Variants in SDK1 observed in about 807,000 individuals in gnomAD.
SDK1 encodes protein sidekick-1.
SDK1 carries 157 observed loss-of-function variants against 245.5 expected under a neutral mutation model. That is an observed-to-expected ratio of 0.64 (90% CI 0.56 to 0.73). SDK1 has a LOEUF of 0.73. SDK1 is among the 30% of genes least tolerant of loss of function. The probability of loss-of-function intolerance (pLI) is 0.00; values close to 1 mark genes in which losing one functional copy is unlikely to be tolerated. For missense variants in SDK1, 3,583 were observed against 3,002.3 expected (o/e 1.19, Z -4.52); for synonymous variants, 1,647 against 1,278.5 (o/e 1.29, Z -6.15).
chr7:3,925,569 G>A (rs1583573143), intron 5 of SDK1, among the ~76,000 whole-genome samples: 1 of 152,204 alleles, frequency 6.6e-6, no homozygotes, highest in Non-Finnish European at 1.5e-5. Context: ...CAGAGACGGC[G>A]TGTTCTCGCT....
In SDK1 at chr7:3,950,950, C is replaced by T. The variant is rs1780787624; in HGVS notation, c.875C>T (p.Ala292Val). The T allele has an allele frequency of 1.2e-6, 2 of 1,613,938 alleles. No individual in the cohort carries two copies. Among genetic ancestry groups the T allele is most frequent in the East Asian group, 2.2e-5 (1 of 44,864 alleles). The change falls in exon 6 of 45, where the codon GCC (alanine) becomes GTC (valine). Residue 292 changes from alanine (A) to valine (V), a missense_variant. By Grantham distance (64) the Ala-to-Val change is moderately conservative. Coordinates refer to ENST00000404826, the MANE Select transcript of SDK1 (RefSeq NM_152744.4). ...ARDVGTPETM[A>V]PTIVVPPGNR... is the part of the protein sequence containing the mutation. ...GATGTTGGCACACCTGAAACCATGGCCCCAACCATTGTGGTTCCCCCGGGC... is the reference window on the plus strand; with the variant it reads ...GATGTTGGCACACCTGAAACCATGGTCCCAACCATTGTGGTTCCCCCGGGC...
chr7:3,910,945 C>G (rs1779141418), intron 5 of SDK1, among the ~76,000 whole-genome samples: 1 of 152,152 alleles, frequency 6.6e-6, no homozygotes, highest in South Asian at 2.1e-4. Flanking sequence ...CTCCTCTCTC[C>G]CCAAGCTCAG....
intron 1 of SDK1, among the ~76,000 whole-genome samples, chr7:3,442,466 A>T (rs1289692881): frequency 6.6e-6 from 1 of 152,166 alleles, no homozygotes; most frequent in African/African-American, 2.4e-5. Flanking sequence ...TTTATCCTTG[A>T]GAGTGAGCCT....
chr7:3,889,376 T>G (rs1781405328), intron 5 of SDK1, among the ~76,000 whole-genome samples: 1 of 152,216 alleles, frequency 6.6e-6, no homozygotes, highest in Admixed American at 6.5e-5. Context: ...GGACAGTGAA[T>G]GAAGTGCAGG....
intron 35 of SDK1, among the ~76,000 whole-genome samples, chr7:4,186,041 T>C (rs933039629): frequency 6.6e-6 from 1 of 152,134 alleles, no homozygotes; most frequent in South Asian, 2.1e-4. Context: ...CCGGCCCAGC[T>C]CTCCTGTTTG....
intron 36 of SDK1, among the ~76,000 whole-genome samples, chr7:4,207,212 G>T (rs1009328592): frequency 1.9e-4 from 29 of 152,178 alleles, no homozygotes; most frequent in African/African-American, 6.8e-4. Flanking sequence ...GCCCTGGGGC[G>T]CTCCAGGCTG....
At chr7:4,058,548 A>G (rs988599818) in intron 19 of SDK1, among the ~76,000 whole-genome samples, 1 of 152,232 alleles carries the variant, frequency 6.6e-6, no homozygotes, top group Non-Finnish European at 1.5e-5. Context: ...TCCATGGCAC[A>G]TTGTAGTCAA....
chr7:3,619,718 C>A (rs1388051110), intron 2 of SDK1, among the ~76,000 whole-genome samples: 1 of 152,162 alleles, frequency 6.6e-6, no homozygotes, highest in African/African-American at 2.4e-5. Flanking sequence ...ATGCATACAG[C>A]CTGTATATTC....
rs35657695 is a variant in SDK1, at chr7:3,980,939, C to CAA, written c.1995-6236_1995-6235dup. ...TGAGCTACAGAGCGAGACTCCATCT[C>CAA]AAAAAAAAAAAAGAAAGAAAAAAAG... On this transcript the variant is annotated intron_variant, in intron 13 of 44. Transcript: ENST00000404826. 7.7e-5 allele frequency among the ~76,000 whole-genome samples: 11 copies of CAA among 142,572 alleles called. 1 individual carries two copies. The highest frequency in any genetic ancestry group is 2.9e-4 in the African/African-American group (11 of 37,904). 93.5% of individuals were successfully genotyped at this position (142,572 alleles called of 152,430 possible).
chr7:3,613,445 C>T (rs1485918880), intron 1 of SDK1, among the ~76,000 whole-genome samples: 1 of 152,090 alleles, frequency 6.6e-6, no homozygotes, highest in Non-Finnish European at 1.5e-5. Context: ...CCTTTTTCTC[C>T]ACAACCTCTC....
chr7:3,597,624 C>G (rs1181629219), intron 1 of SDK1, among the ~76,000 whole-genome samples: 5 of 152,134 alleles, frequency 3.3e-5, no homozygotes, highest in Non-Finnish European at 7.4e-5. Flanking sequence ...TCCTTACAGT[C>G]TTAGTTTGAT....
At chr7:4,001,944 A>G (rs2128144735) in intron 14 of SDK1, among the ~76,000 whole-genome samples, 1 of 152,272 alleles carries the variant, frequency 6.6e-6, no homozygotes, top group African/African-American at 2.4e-5. Context: ...TTTGTCTTAG[A>G]TGTGTTTCAT....
intron 4 of SDK1, among the ~76,000 whole-genome samples, chr7:3,722,706 C>G (rs959429738): frequency 1.3e-5 from 2 of 152,216 alleles, no homozygotes; most frequent in Non-Finnish European, 2.9e-5. Context: ...AGGCTGAACT[C>G]AAGTGCCCCA....
chr7:3,684,038 C>A (rs1326466921), intron 4 of SDK1, among the ~76,000 whole-genome samples: 1 of 152,198 alleles, frequency 6.6e-6, no homozygotes, highest in African/African-American at 2.4e-5. Flanking sequence ...CGCTGCTCCA[C>A]TCAAGCGTTC....
At chr7:4,169,687 G>T (rs984430050) in intron 32 of SDK1, among the ~76,000 whole-genome samples, 2 of 152,184 alleles carry the variant, frequency 1.3e-5, no homozygotes, top group South Asian at 4.1e-4. Context: ...CAGTGTTTGC[G>T]TGCATTCCTC....
chr7:4,074,534 G>A (rs1780496523), intron 20 of SDK1, among the ~76,000 whole-genome samples: 1 of 152,044 alleles, frequency 6.6e-6, no homozygotes, highest in Non-Finnish European at 1.5e-5. Flanking sequence ...CGTCAGGGTG[G>A]GCAGATGAGG....
At chr7:3,674,461 A>G (rs980767719) in intron 4 of SDK1, among the ~76,000 whole-genome samples, 6 of 152,064 alleles carry the variant, frequency 3.9e-5, no homozygotes, top group South Asian at 2.1e-4. Context: ...GAGGGTGACA[A>G]TACAGGGGCC....
chr7:3,509,314 C>G (rs1356074753), intron 1 of SDK1, among the ~76,000 whole-genome samples: 1 of 152,086 alleles, frequency 6.6e-6, no homozygotes, highest in Non-Finnish European at 1.5e-5. Context: ...GCTTCTCAAC[C>G]TAATCCTGGA....
intron 1 of SDK1, among the ~76,000 whole-genome samples, chr7:3,383,929 A>G (rs1171974252): frequency 6.6e-6 from 1 of 152,214 alleles, no homozygotes; most frequent in Non-Finnish European, 1.5e-5. Context: ...GGGTCACAAC[A>G]CATTCTTACA....
Sources: gnomAD v4.1 joint callset for allele counts (sites outside exome capture counted in the v4.1 genomes callset) on GRCh38, gnomAD v4.1.1 for gene constraint, MANE v1.5 for transcripts, NCBI Gene and HGNC (gene_info 2026-07-23, HGNC 2026-07-21) for gene names.